The following GPATCH2 variants were observed in gnomAD, a reference collection of about 807,000 sequenced individuals.
The protein encoded by GPATCH2 is G-patch domain containing 2, also known as G patch domain-containing protein 2.
Under a neutral mutation model 58.0 loss-of-function variants are expected in GPATCH2, and 51 were observed. That is an observed-to-expected ratio of 0.88 (90% CI 0.70 to 1.11). The LOEUF is 1.11. Among genes scored for constraint, GPATCH2 ranks in the 50% most tolerant of loss-of-function variants. The pLI is 0.00. For synonymous variants in GPATCH2, 222 were observed against 218.5 expected (o/e 1.02, Z -0.14); for missense variants, 625 against 652.2 (o/e 0.96, Z 0.45).
chr1:217,493,788 C>G lies in GPATCH2; in HGVS notation c.1207-2038G>C, dbSNP rs73105626. Among the ~76,000 whole-genome samples the G allele has an allele frequency of 7.0e-3, 1,064 of 152,086 alleles. 10 individuals are homozygous for G. The highest frequency in any genetic ancestry group is 0.023 in the African/African-American group (966 of 41,498). Reference sequence around the variant, plus strand: ...AAACCAACATTTGTGACACAGATAGCTAGAAGTAAGATGATGAAATCTCTA... The same window carrying G: ...AAACCAACATTTGTGACACAGATAGGTAGAAGTAAGATGATGAAATCTCTA... On this transcript the variant is annotated intron_variant, in intron 7 of 9. Transcript: ENST00000366935.
In GPATCH2 at chr1:217,570,188, T is replaced by G. The variant is rs149768940; in HGVS notation, c.1098+40133A>C. ...GTGCAGTGGCTCAATCTCGGCTGAA[T>G]GCAACCTCCGCCTCCTGGGTTCCAG... On this transcript the variant is annotated intron_variant, in intron 5 of 9. Transcript: ENST00000366935. Among the ~76,000 whole-genome samples, 5 of 152,284 alleles carry G rather than the reference T, an allele frequency of 3.3e-5. No individual in the cohort carries two copies. The East Asian group carries it at 9.7e-4, about 29-fold the overall frequency.
intron 1 of GPATCH2, among the ~76,000 whole-genome samples, chr1:217,630,096 T>G (rs1669669946): frequency 6.6e-6 from 1 of 152,134 alleles, no homozygotes; most frequent in Non-Finnish European, 1.5e-5. Flanking sequence ...ATGTTATGTT[T>G]GGAGGAAAAG....
intron 5 of GPATCH2, among the ~76,000 whole-genome samples, chr1:217,564,693 A>G (rs891175292): frequency 2.0e-5 from 3 of 152,218 alleles, no homozygotes; most frequent in African/African-American, 7.2e-5. Context: ...GAAATTCCCC[A>G]TGGCTACAAT....
chr1:217,458,315 T>C (rs1166138857), intron 8 of GPATCH2, among the ~76,000 whole-genome samples: 1 of 152,162 alleles, frequency 6.6e-6, no homozygotes, highest in African/African-American at 2.4e-5. Context: ...ATGATATCAT[T>C]CCTTGTGTAT....
chr1:217,617,832 T>C (rs1044201870), intron 2 of GPATCH2, among the ~76,000 whole-genome samples: 5 of 152,196 alleles, frequency 3.3e-5, no homozygotes, highest in Non-Finnish European at 7.3e-5. Context: ...TGTGGACTGC[T>C]AGGTAGCCTG....
intron 5 of GPATCH2, among the ~76,000 whole-genome samples, chr1:217,604,275 C>T (rs1027516106): frequency 5.3e-5 from 8 of 150,354 alleles, no homozygotes; most frequent in South Asian, 2.1e-4. Flanking sequence ...CACTTGAACC[C>T]GGGAGGCAGA....
chr1:217,611,751 A>C (rs1668640906), intron 3 of GPATCH2, among the ~76,000 whole-genome samples: 1 of 152,204 alleles, frequency 6.6e-6, no homozygotes, highest in Admixed American at 6.5e-5. Flanking sequence ...AGTTTTGAAA[A>C]AGTTGATTTT....
intron 8 of GPATCH2, among the ~76,000 whole-genome samples, chr1:217,466,506 T>G (rs1369232469): frequency 6.6e-6 from 1 of 152,102 alleles, no homozygotes. Context: ...ATTACAGTCA[T>G]GAGCCACCAT....
intron 5 of GPATCH2, among the ~76,000 whole-genome samples, chr1:217,573,211 G>A (rs1666650266): frequency 6.6e-6 from 1 of 152,036 alleles, no homozygotes; most frequent in Non-Finnish European, 1.5e-5. Flanking sequence ...CCCTCCAATG[G>A]CTCTTTGTGC....
chr1:217,465,444 G>C (rs995778248), intron 8 of GPATCH2, among the ~76,000 whole-genome samples: 6 of 152,172 alleles, frequency 3.9e-5, no homozygotes, highest in African/African-American at 7.2e-5. Flanking sequence ...GAGATGGTCT[G>C]CCTGTGTCCT....
intron 3 of GPATCH2, among the ~76,000 whole-genome samples, chr1:217,612,576 G>A (rs1668685654): frequency 6.6e-6 from 1 of 152,062 alleles, no homozygotes; most frequent in Non-Finnish European, 1.5e-5. Flanking sequence ...TTAGATATCA[G>A]GACTTTTACT....
At position 217,541,577 on chromosome 1, in the gene GPATCH2, AT is replaced by A. The variant is rs557121604; in HGVS notation, c.1099-26689del. On this transcript the variant is annotated intron_variant, in intron 5 of 9. Coordinates refer to ENST00000366935, the MANE Select transcript of GPATCH2 (RefSeq NM_018040.5). ...CCTTGATTTGAAAAGAGCTCATTTC[AT>A]TTTTTTTTCCAGCAATTTCTACATT... Among the ~76,000 whole-genome samples the A allele has an allele frequency of 9.2e-3, 1,389 of 151,558 alleles. 14 individuals carry two copies. The highest frequency in any genetic ancestry group is 0.012 in the African/African-American group (513 of 41,318).
intron 8 of GPATCH2, among the ~76,000 whole-genome samples, chr1:217,454,722 C>G (rs1203611052): frequency 2.0e-5 from 3 of 151,132 alleles, no homozygotes. Context: ...AAGTGATTCT[C>G]ATACCTCAGC....
intron 8 of GPATCH2, among the ~76,000 whole-genome samples, chr1:217,486,277 T>C (rs891450664): frequency 1.1e-4 from 16 of 152,258 alleles, no homozygotes; most frequent in Non-Finnish European, 2.2e-4. Context: ...TTTTGATTAA[T>C]ATTTATCATG....
At chr1:217,464,231 C>T (rs894853929) in intron 8 of GPATCH2, among the ~76,000 whole-genome samples, 2 of 152,080 alleles carry the variant, frequency 1.3e-5, no homozygotes, top group African/African-American at 2.4e-5. Flanking sequence ...TTACTGAAAA[C>T]CCCTGGACAC....
intron 8 of GPATCH2, among the ~76,000 whole-genome samples, chr1:217,452,138 C>T (rs923764921): frequency 8.5e-5 from 13 of 152,246 alleles, no homozygotes; most frequent in Admixed American, 7.8e-4. Flanking sequence ...TGCATGGATG[C>T]TGGTAGAGAG....
At chr1:217,531,044 A>AACACACACACAC in intron 5 of GPATCH2, among the ~76,000 whole-genome samples, 1 of 148,194 alleles carries the variant, frequency 6.7e-6, no homozygotes, top group South Asian at 2.1e-4. Context: ...CAGTTACACA[A>AACACACACACAC]ACACACACAC....
At position 217,430,280 on chromosome 1, in the gene GPATCH2, A is replaced by G. The variant is rs979889570; in HGVS notation, c.*865T>C. 1 of 152,224 alleles carries G rather than the reference A, an allele frequency of 6.6e-6. No homozygotes were observed. The highest frequency in any genetic ancestry group is 1.5e-5 in the Non-Finnish European group (1 of 68,042). 9.4% of individuals were successfully genotyped at this position (152,224 alleles called of 1,614,324 possible). A position where few individuals can be genotyped will look rare whatever the true frequency, so the allele number is the denominator to read the frequency against. On this transcript the variant is annotated 3_prime_UTR_variant, in exon 10 of 10. Coordinates refer to ENST00000366935, the MANE Select transcript of GPATCH2 (RefSeq NM_018040.5). ...AATATTGTAATAAATTACTCCAATG[A>G]TTAAAATTTTAAATCCGTTTACTAC... is the stretch of plus-strand genomic sequence containing the variant.
chr1:217,463,131 C>A (rs1046644076), intron 8 of GPATCH2, among the ~76,000 whole-genome samples: 1 of 151,982 alleles, frequency 6.6e-6, no homozygotes, highest in African/African-American at 2.4e-5. Flanking sequence ...AGAAACTCTG[C>A]GGTTGAGATC....
Sources: gnomAD v4.1 joint callset for allele counts (sites outside exome capture counted in the v4.1 genomes callset) on GRCh38, gnomAD v4.1.1 for gene constraint, MANE v1.5 for transcripts, NCBI Gene and HGNC (gene_info 2026-07-23, HGNC 2026-07-21) for gene names.